GDAP1: variants seen among roughly 807,000 people sequenced by gnomAD.
The protein encoded by GDAP1 is ganglioside-induced differentiation-associated protein 1.
A neutral mutation model predicts 40.1 loss-of-function variants in GDAP1; 34 were observed. That is an observed-to-expected ratio of 0.85 (90% confidence interval 0.64 to 1.13). The LOEUF (loss-of-function observed/expected upper bound fraction) is 1.13. Among genes scored for constraint, GDAP1 ranks in the 50% most tolerant of loss-of-function variants. The pLI, the probability that GDAP1 is intolerant of heterozygous loss-of-function variation, is 0.00. For synonymous variants in GDAP1, 170 were observed against 157.4 expected (o/e 1.08, Z -0.60); for missense variants, 374 against 433.7 (o/e 0.86, Z 1.22).
intron 2 of GDAP1, among the ~76,000 whole-genome samples, chr8:74,483,741 T>G (rs1432577401): frequency 8.6e-5 from 13 of 152,046 alleles, no homozygotes; most frequent in Admixed American, 8.5e-4. Flanking sequence ...CCTACAGGAG[T>G]CATGCTTAAC....
chr8:74,422,333 CTTT>C (rs1563465390), intron 2 of GDAP1, among the ~76,000 whole-genome samples: 796 of 54,940 alleles, frequency 0.014, 26 homozygotes, highest in African/African-American at 0.057. Flanking sequence ...TTCTTTCTTT[CTTT>C]CTTTCTTTCT....
chr8:74,399,086 C>G (rs1407545110), intron 2 of GDAP1, among the ~76,000 whole-genome samples: 1 of 152,014 alleles, frequency 6.6e-6, no homozygotes, highest in Non-Finnish European at 1.5e-5. Flanking sequence ...GGAGGATTTC[C>G]TCTTTTTCTA....
chr8:74,456,081 A>G (rs13268878), intron 2 of GDAP1, among the ~76,000 whole-genome samples: 22,964 of 151,668 alleles, frequency 0.15, 2,268 homozygotes, highest in Middle Eastern at 0.32. Context: ...CAATTATTAA[A>G]CTCCTCTCAT....
chr8:74,359,526 A>G (rs189812002), intron 2 of GDAP1, among the ~76,000 whole-genome samples: 122 of 152,360 alleles, frequency 8.0e-4, no homozygotes, highest in Non-Finnish European at 1.5e-5. Flanking sequence ...TTCCTGTTCC[A>G]TATAGATTGT....
chr8:74,412,057 G>C (rs1428667669), intron 2 of GDAP1, among the ~76,000 whole-genome samples: 1 of 149,716 alleles, frequency 6.7e-6, no homozygotes, highest in East Asian at 1.9e-4. Context: ...TTAAAAATTT[G>C]AGATAAAAGT....
In GDAP1 at chr8:74,448,282, G is replaced by T. The variant is rs545765065; in HGVS notation, c.166-40396G>T. On this transcript the variant is annotated intron_variant, in intron 2 of 2. Coordinates refer to the GDAP1 transcript ENST00000523640. ...TTTTATGTCTTTTCATTTGCTCCAC[G>T]TAATATTTTTAAGGTTTGCTCATGT... is the stretch of plus-strand genomic sequence containing the variant. Among the ~76,000 whole-genome samples the T allele has an allele frequency of 2.6e-5, 4 of 151,958 alleles. No homozygotes were observed. The East Asian group carries it at 5.8e-4, about 22-fold the overall frequency.
intron 2 of GDAP1, among the ~76,000 whole-genome samples, chr8:74,470,095 C>A (rs1806528871): frequency 6.6e-6 from 1 of 152,062 alleles, no homozygotes; most frequent in Non-Finnish European, 1.5e-5. Context: ...TGATATTACT[C>A]TGTTTAGGTT....
chr8:74,428,020 C>G (rs947138788), intron 2 of GDAP1, among the ~76,000 whole-genome samples: 3 of 152,054 alleles, frequency 2.0e-5, no homozygotes, highest in Non-Finnish European at 4.4e-5. Flanking sequence ...TTCTAAATCC[C>G]CAGAGACAAC....
chr8:74,460,842 A>T (rs1806392257), intron 2 of GDAP1, among the ~76,000 whole-genome samples: 1 of 152,194 alleles, frequency 6.6e-6, no homozygotes, highest in African/African-American at 2.4e-5. Flanking sequence ...CAGGTGGAGG[A>T]GAAAGAGGAG....
rs1806630342 is a variant in GDAP1 at position 74,476,437 on chromosome 8, A to G, written c.166-12241A>G. Among the ~76,000 whole-genome samples the G allele has an allele frequency of 3.3e-5, 5 of 152,184 alleles. No individual in the cohort carries two copies. In the South Asian group the frequency reaches 1.0e-3, roughly 32 times the overall value. On this transcript the variant is annotated intron_variant, in intron 2 of 2. Coordinates refer to the GDAP1 transcript ENST00000523640. The stretch of plus-strand genomic sequence containing the variant: ...GCCAATAATGGTCTTTCCTATTCAT[A>G]TTTAGCACTTCTTTCAGGCGCTCTT...
intron 2 of GDAP1, among the ~76,000 whole-genome samples, chr8:74,401,971 GC>G (rs1215182923): frequency 6.7e-6 from 1 of 150,210 alleles, no homozygotes; most frequent in Non-Finnish European, 1.5e-5. Context: ...TACTAGGGGT[GC>G]CTCCCAGTTA....
At chr8:74,358,311 G>A (rs1294131255) in intron 2 of GDAP1, among the ~76,000 whole-genome samples, 2 of 152,188 alleles carry the variant, frequency 1.3e-5, no homozygotes, top group African/African-American at 4.8e-5. Context: ...AAGCCCCAGG[G>A]CCCAGTACCA....
chr8:74,471,021 A>C (rs1042286517), intron 2 of GDAP1, among the ~76,000 whole-genome samples: 6 of 151,972 alleles, frequency 3.9e-5, no homozygotes, highest in African/African-American at 1.5e-4. Context: ...GCATTTTTTC[A>C]TGTGTCTTTT....
At position 74,364,140 on chromosome 8, in the gene GDAP1, T is replaced by C; in HGVS notation, c.850T>C (p.Leu284=). 6.2e-7 allele frequency: 1 copy of C among 1,614,186 alleles called. No homozygotes were observed. Among genetic ancestry groups the C allele is most frequent in the Non-Finnish European group, 8.5e-7 (1 of 1,180,030 alleles). The part of the protein sequence containing the change: ...PNLETYYERV[L]KRKTFNKVLG... ...CTTGGAAACCTATTACGAGCGTGTC[T>C]TGAAGAGAAAAACATTTAACAAGGT... is the stretch of plus-strand genomic sequence containing the variant. The change falls in exon 6 of 6, where the codon TTG becomes CTG. Residue 284 remains leucine (L), a synonymous_variant. Transcript: ENST00000220822.
chr8:74,365,257 TG>T lies in GDAP1; in HGVS notation c.*891del, dbSNP rs1216212764. On this transcript the variant is annotated 3_prime_UTR_variant, in exon 6 of 6. Transcript: ENST00000220822. ...GAGGCTGGTCTGTAAACACAAAAAT[TG>T]TTGTCCAGATCTTTCATCTGTTTAT... is the stretch of plus-strand genomic sequence containing the variant. 8.8e-6 allele frequency: 4 copies of T among 453,978 alleles called. No individual in the cohort carries two copies. The highest frequency in any genetic ancestry group is 1.3e-5 in the Non-Finnish European group (3 of 226,792). The allele number at this position is 453,978 out of a possible 1,614,324, so 28.1% of individuals were successfully genotyped here. A position where few individuals can be genotyped will look rare whatever the true frequency, so the allele number is the denominator to read the frequency against.
rs1433337276 is a variant in GDAP1, at chr8:74,408,858, A to G, written c.165+57537A>G. ...TCTAATGTGGCAGTGAGTATTCCCC[A>G]CTGGAATCCTGAGGAAGACATAGCC... On this transcript the variant is annotated intron_variant, in intron 2 of 2. Transcript: ENST00000523640. 2.0e-5 allele frequency among the ~76,000 whole-genome samples: 3 copies of G among 149,924 alleles called. 1 individual carries two copies. The highest frequency in any genetic ancestry group is 7.6e-5 in the African/African-American group (3 of 39,282).
intron 2 of GDAP1, among the ~76,000 whole-genome samples, chr8:74,487,749 C>A (rs7834894): frequency 0.011 from 1,744 of 152,152 alleles, 26 homozygotes; most frequent in African/African-American, 0.04. Context: ...TTTATATTTG[C>A]CTCTTTAACT....
chr8:74,467,975 A>AT (rs60884845), intron 2 of GDAP1, among the ~76,000 whole-genome samples: 256 of 149,172 alleles, frequency 1.7e-3, no homozygotes, highest in Middle Eastern at 6.9e-3. Flanking sequence ...ATATAACCTG[A>AT]TTTTTTTTTT....
At position 74,452,212 on chromosome 8, in the gene GDAP1, A is replaced by C. The variant is rs1806300937; in HGVS notation, c.166-36466A>C. ...TGATCTGCCCACCTCGGCCTCCCAA[A>C]GTGCTGGGATTACAGGCATGAGCCA... On this transcript the variant is annotated intron_variant, in intron 2 of 2. Coordinates refer to the GDAP1 transcript ENST00000523640. 2.4e-5 allele frequency among the ~76,000 whole-genome samples: 2 copies of C among 82,714 alleles called. 1 individual carries two copies. Among genetic ancestry groups the C allele is most frequent in the African/African-American group, 1.1e-4 (2 of 18,806 alleles). The allele number at this position is 82,714 out of a possible 152,430, so 54.3% of individuals were successfully genotyped here. A position where few individuals can be genotyped will look rare whatever the true frequency, so the allele number is the denominator to read the frequency against.
Sources: allele counts gnomAD v4.1 joint callset (sites outside exome capture counted in the v4.1 genomes callset), GRCh38; gene constraint gnomAD v4.1.1; transcripts MANE v1.5; gene names NCBI Gene and HGNC (gene_info 2026-07-23, HGNC 2026-07-21).